RBFOX1: variants seen among roughly 807,000 people sequenced by gnomAD.
RBFOX1 encodes the protein RNA binding fox-1 homolog 1.
RBFOX1 carries 8 observed loss-of-function variants against 57.7 expected under a neutral mutation model. That is an observed-to-expected ratio of 0.14 (90% confidence interval 0.08 to 0.25). The LOEUF (loss-of-function observed/expected upper bound fraction) is 0.25, where lower values mean the gene tolerates loss of function less well. Among genes scored for constraint, RBFOX1 ranks in the 10% least tolerant of loss-of-function variants. The pLI, the probability that RBFOX1 is intolerant of heterozygous loss-of-function variation, is 1.00. For missense variants in RBFOX1, 611 were observed against 548.5 expected (o/e 1.11, Z -1.14); for synonymous variants, 326 against 222.4 (o/e 1.47, Z -4.15).
chr16:6,441,438 C>A (rs974261), intron 2 of RBFOX1, among the ~76,000 whole-genome samples: 3 of 151,436 alleles, frequency 2.0e-5, no homozygotes, highest in Non-Finnish European at 4.4e-5. Context: ...TTTTTTGAGA[C>A]GGAGTTTTGC....
chr16:6,813,960 GC>G (rs760428514), intron 3 of RBFOX1, among the ~76,000 whole-genome samples: 3 of 152,126 alleles, frequency 2.0e-5, no homozygotes, highest in Non-Finnish European at 4.4e-5. Flanking sequence ...ACCAGTCCTT[GC>G]TACTAACACT....
intron 3 of RBFOX1, among the ~76,000 whole-genome samples, chr16:7,025,136 A>G (rs564710698): frequency 6.6e-6 from 1 of 152,190 alleles, no homozygotes; most frequent in African/African-American, 2.4e-5. Flanking sequence ...CACTCCATAG[A>G]CAGAACAGCC....
At chr16:6,524,453 A>G (rs1165920088) in intron 2 of RBFOX1, among the ~76,000 whole-genome samples, 2 of 152,152 alleles carry the variant, frequency 1.3e-5, no homozygotes, top group African/African-American at 4.8e-5. Flanking sequence ...CCGTAGTTCT[A>G]CAAACTCACT....
At chr16:6,538,752 T>A (rs1285525506) in intron 2 of RBFOX1, among the ~76,000 whole-genome samples, 1 of 152,222 alleles carries the variant, frequency 6.6e-6, no homozygotes, top group Non-Finnish European at 1.5e-5. Context: ...TTTTTCCAGC[T>A]GTTGGTTGTT....
chr16:7,034,813 A>T (rs1295230774), intron 3 of RBFOX1, among the ~76,000 whole-genome samples: 1 of 93,698 alleles, frequency 1.1e-5, no homozygotes, highest in African/African-American at 4.2e-5. Context: ...GGTGGAGTCT[A>T]AGATATTGCA....
At chr16:7,270,511 C>G (rs952488267) in intron 4 of RBFOX1, among the ~76,000 whole-genome samples, 1 of 152,146 alleles carries the variant, frequency 6.6e-6, no homozygotes, top group Non-Finnish European at 1.5e-5. Context: ...AGGGAAGGTA[C>G]CATTGGGCAG....
intron 3 of RBFOX1, among the ~76,000 whole-genome samples, chr16:5,743,988 C>G (rs8058019): frequency 0.46 from 69,609 of 152,022 alleles, 16,270 homozygotes; most frequent in East Asian, 0.57. Context: ...CCTTTCCCTT[C>G]AAAGGACCTA....
At chr16:6,774,833 A>C (rs570783482) in intron 3 of RBFOX1, among the ~76,000 whole-genome samples, 4 of 152,192 alleles carry the variant, frequency 2.6e-5, no homozygotes, top group African/African-American at 9.6e-5. Context: ...GTATGGGCCT[A>C]CTGAGCATTT....
intron 4 of RBFOX1, among the ~76,000 whole-genome samples, chr16:5,991,519 T>C (rs2060396325): frequency 6.6e-6 from 1 of 152,122 alleles, no homozygotes; most frequent in Non-Finnish European, 1.5e-5. Flanking sequence ...TATTTATTGA[T>C]AAGGACCATG....
intron 10 of RBFOX1, among the ~76,000 whole-genome samples, chr16:7,612,955 G>A (rs969864759): frequency 2.0e-5 from 3 of 152,144 alleles, no homozygotes; most frequent in Non-Finnish European, 2.9e-5. Context: ...ACTCACTTCC[G>A]TGGATGGAGA....
intron 1 of RBFOX1, among the ~76,000 whole-genome samples, chr16:6,178,806 T>C (rs974451892): frequency 5.9e-5 from 9 of 152,182 alleles, no homozygotes; most frequent in Admixed American, 2.0e-4. Flanking sequence ...AATTGATCTT[T>C]TTAGCAAGGG....
intron 3 of RBFOX1, among the ~76,000 whole-genome samples, chr16:6,941,770 G>A (rs914665434): frequency 2.0e-5 from 3 of 152,170 alleles, no homozygotes; most frequent in African/African-American, 7.2e-5. Flanking sequence ...AGAGGTAGAA[G>A]GCAGGTGAAC....
intron 3 of RBFOX1, among the ~76,000 whole-genome samples, chr16:6,962,584 G>C (rs944909029): frequency 1.3e-5 from 2 of 152,152 alleles, no homozygotes; most frequent in African/African-American, 4.8e-5. Context: ...ATGAGGCTTG[G>C]AGCCAGGAGC....
chr16:6,602,489 T>A (rs2097864716), intron 2 of RBFOX1, among the ~76,000 whole-genome samples: 2 of 152,084 alleles, frequency 1.3e-5, no homozygotes, highest in Admixed American at 6.5e-5. Flanking sequence ...AGAGGATCAG[T>A]CTGTGCTGAA....
intron 4 of RBFOX1, among the ~76,000 whole-genome samples, chr16:7,325,000 T>C (rs1466594755): frequency 6.6e-6 from 1 of 152,200 alleles, no homozygotes; most frequent in Non-Finnish European, 1.5e-5. Flanking sequence ...GTTTGGGACA[T>C]AGAAGAAGGA....
At chr16:7,676,705 T>C in intron 13 of RBFOX1, 69 bp from the exon 14 acceptor site, 3 of 1,338,508 alleles carry the variant, frequency 2.2e-6, no homozygotes, top group Non-Finnish European at 3.2e-6. Context: ...TCTGGTGTGG[T>C]CTTGCCACTG....
chr16:7,376,674 C>T (rs2097691355), intron 4 of RBFOX1, among the ~76,000 whole-genome samples: 1 of 152,128 alleles, frequency 6.6e-6, no homozygotes, highest in Admixed American at 6.5e-5. Context: ...TTTTTGTTTT[C>T]ATGGTTCATG....
At chr16:5,588,336 A>G (rs1256673868) in intron 2 of RBFOX1, among the ~76,000 whole-genome samples, 1 of 152,184 alleles carries the variant, frequency 6.6e-6, no homozygotes, top group African/African-American at 2.4e-5. Flanking sequence ...TTAAAATGGA[A>G]GAATTACTAG....
intron 3 of RBFOX1, among the ~76,000 whole-genome samples, chr16:6,974,575 C>A (rs1310961921): frequency 1.3e-5 from 2 of 151,992 alleles, no homozygotes; most frequent in Admixed American, 1.3e-4. Flanking sequence ...GATCTCCTGA[C>A]CTCAGGTGAT....
Sources: allele counts gnomAD v4.1 joint callset (sites outside exome capture counted in the v4.1 genomes callset), GRCh38; gene constraint gnomAD v4.1.1; transcripts MANE v1.5; gene names NCBI Gene and HGNC (gene_info 2026-07-23, HGNC 2026-07-21).